The following TMEM132D variants were observed in gnomAD, a reference collection of about 807,000 sequenced individuals.
TMEM132D encodes the protein transmembrane protein 132D.
In TMEM132D, 21 loss-of-function variants were observed where a neutral mutation model predicts 62.3. That is an observed-to-expected ratio of 0.34 (90% CI 0.24 to 0.49). The LOEUF (loss-of-function observed/expected upper bound fraction) is 0.49, where lower values mean the gene tolerates loss of function less well. Among genes scored for constraint, TMEM132D ranks in the 20% least tolerant of loss-of-function variants. TMEM132D has a pLI of 0.99. For synonymous variants in TMEM132D, 621 were observed against 575.6 expected, an observed-to-expected ratio of 1.08 and a Z score of -1.13; for missense variants, 1,346 against 1,402.8, an observed-to-expected ratio of 0.96 and a Z score of 0.65.
At chr12:129,346,378 A>C (rs1869688757) in intron 3 of TMEM132D, among the ~76,000 whole-genome samples, 1 of 152,088 alleles carries the variant, frequency 6.6e-6, no homozygotes, top group Non-Finnish European at 1.5e-5. Flanking sequence ...AATCTTTTCA[A>C]AAAACCACCT....
chr12:129,895,388 C>A (rs2137397401), intron 1 of TMEM132D, among the ~76,000 whole-genome samples: 1 of 152,346 alleles, frequency 6.6e-6, no homozygotes, highest in African/African-American at 2.4e-5. Context: ...TCAGGGATCA[C>A]TTCTAAGTTT....
intron 1 of TMEM132D, among the ~76,000 whole-genome samples, chr12:129,718,984 C>T (rs990597125): frequency 1.1e-4 from 17 of 151,820 alleles, no homozygotes; most frequent in Non-Finnish European, 2.1e-4. Context: ...TGCCTGTAAT[C>T]CCAGCACATT....
chr12:129,073,881 A>G lies in TMEM132D; in HGVS notation c.3294T>C (p.Asn1098=). ...LHNYMERLHE[N]V Reference sequence around the variant, plus strand: ...ATGTCTGTGTGTGTCTGGCTTACACATTTTCATGTAACCTCTCCATGTAGT... The same window carrying G: ...ATGTCTGTGTGTGTCTGGCTTACACGTTTTCATGTAACCTCTCCATGTAGT... Residue 1098 remains asparagine, a synonymous_variant, in exon 9 of 9, where the codon AAT becomes AAC. Coordinates refer to ENST00000422113, the MANE Select transcript of TMEM132D (RefSeq NM_133448.3). 2 of 1,532,858 alleles carry G rather than the reference A, an allele frequency of 1.3e-6. No individual in the cohort carries two copies. Among genetic ancestry groups the G allele is most frequent in the South Asian group, 2.6e-5 (2 of 77,148 alleles). The allele number at this position is 1,532,858 out of a possible 1,614,324, so 95.0% of individuals were successfully genotyped here.
At chr12:129,501,840 C>A (rs1356374021) in intron 3 of TMEM132D, among the ~76,000 whole-genome samples, 1 of 152,170 alleles carries the variant, frequency 6.6e-6, no homozygotes, top group African/African-American at 2.4e-5. Flanking sequence ...GGGATAACAA[C>A]CATGTGAGGG....
chr12:129,220,766 A>G (rs1319866059), intron 4 of TMEM132D, among the ~76,000 whole-genome samples: 1 of 152,236 alleles, frequency 6.6e-6, no homozygotes, highest in Non-Finnish European at 1.5e-5. Context: ...TCAAACGGAT[A>G]CAAGAATTGT....
intron 3 of TMEM132D, among the ~76,000 whole-genome samples, chr12:129,441,633 C>T (rs546623115): frequency 3.9e-5 from 6 of 152,200 alleles, no homozygotes; most frequent in Non-Finnish European, 7.3e-5. Flanking sequence ...AATCCCACTA[C>T]TGGGTGTATA....
At chr12:129,817,757 ATGTGTGTCTG>A (rs2137321683) in intron 1 of TMEM132D, among the ~76,000 whole-genome samples, 1 of 60,214 alleles carries the variant, frequency 1.7e-5, no homozygotes, top group South Asian at 6.4e-4. Flanking sequence ...GGTGTGGGGT[ATGTGTGTCTG>A]TGTGTATCTG....
chr12:129,424,880 T>A (rs1872447809), intron 3 of TMEM132D, among the ~76,000 whole-genome samples: 1 of 152,170 alleles, frequency 6.6e-6, no homozygotes, highest in Non-Finnish European at 1.5e-5. Context: ...ACCATCATCC[T>A]AAGTGAATTT....
At chr12:129,227,769 C>A (rs554774000) in intron 4 of TMEM132D, among the ~76,000 whole-genome samples, 60 of 152,026 alleles carry the variant, frequency 3.9e-4, no homozygotes, top group African/African-American at 1.4e-3. Context: ...CCACAACAGG[C>A]CCTGGTGTGT....
At chr12:129,724,514 TTTGTTTC>T (rs1868955667) in intron 1 of TMEM132D, among the ~76,000 whole-genome samples, 1 of 152,156 alleles carries the variant, frequency 6.6e-6, no homozygotes, top group African/African-American at 2.4e-5. Context: ...TTTTTTGTTT[TTTGTTTC>T]TGTTTTTGTT....
At chr12:129,626,203 G>C (rs1349750485) in intron 2 of TMEM132D, among the ~76,000 whole-genome samples, 1 of 152,132 alleles carries the variant, frequency 6.6e-6, no homozygotes, top group East Asian at 1.9e-4. Flanking sequence ...CAGGCTTTGG[G>C]AATCTCCAGG....
intron 3 of TMEM132D, among the ~76,000 whole-genome samples, chr12:129,432,472 T>A (rs1408757316): frequency 2.6e-5 from 4 of 152,264 alleles, no homozygotes; most frequent in Non-Finnish European, 5.9e-5. Context: ...AAATCATGTC[T>A]GAGACATAGC....
At chr12:129,341,574 C>A (rs1869486587) in intron 3 of TMEM132D, among the ~76,000 whole-genome samples, 1 of 152,144 alleles carries the variant, frequency 6.6e-6, no homozygotes, top group Non-Finnish European at 1.5e-5. Context: ...GTTAGGCATT[C>A]CTAGCCTCTA....
intron 2 of TMEM132D, among the ~76,000 whole-genome samples, chr12:129,683,814 C>T (rs981845339): frequency 2.6e-5 from 4 of 152,170 alleles, no homozygotes; most frequent in Admixed American, 6.5e-5. Context: ...CTTGCCCACT[C>T]GAATCTGCAG....
intron 3 of TMEM132D, among the ~76,000 whole-genome samples, chr12:129,496,367 A>G (rs1177616851): frequency 1.3e-5 from 2 of 152,212 alleles, no homozygotes; most frequent in Non-Finnish European, 2.9e-5. Context: ...AGCAATGGGC[A>G]GGATATCTAT....
intron 2 of TMEM132D, among the ~76,000 whole-genome samples, chr12:129,539,234 A>ATTTTTT (rs151124336): frequency 1.4e-5 from 2 of 142,788 alleles, no homozygotes. Context: ...TTATTTCCGG[A>ATTTTTT]TTTTTTTTTT....
intron 1 of TMEM132D, among the ~76,000 whole-genome samples, chr12:129,809,674 T>C (rs1234724476): frequency 6.6e-6 from 1 of 152,220 alleles, no homozygotes; most frequent in Non-Finnish European, 1.5e-5. Context: ...TGGAAGCTGA[T>C]GTACATGTTT....
intron 2 of TMEM132D, among the ~76,000 whole-genome samples, chr12:129,532,262 C>T (rs1220724843): frequency 3.9e-5 from 6 of 152,082 alleles, no homozygotes; most frequent in South Asian, 2.1e-4. Context: ...CCTAGGCAGA[C>T]GAGGATGGTG....
At chr12:129,875,980 C>T (rs987415485) in intron 1 of TMEM132D, among the ~76,000 whole-genome samples, 1 of 152,064 alleles carries the variant, frequency 6.6e-6, no homozygotes, top group Non-Finnish European at 1.5e-5. Flanking sequence ...TCCAGCCATC[C>T]GTTCATTATT....
Sources: gnomAD v4.1 joint callset for allele counts (sites outside exome capture counted in the v4.1 genomes callset) on GRCh38, gnomAD v4.1.1 for gene constraint, MANE v1.5 for transcripts, NCBI Gene and HGNC (gene_info 2026-07-23, HGNC 2026-07-21) for gene names.